Variants in PPFIA3 observed in about 807,000 individuals in gnomAD.
PPFIA3 encodes the protein PPFI scaffold protein A3, also known as liprin-alpha-3.
Under a neutral mutation model 145.8 loss-of-function variants are expected in PPFIA3, and 26 were observed. That is an observed-to-expected ratio of 0.18 (90% confidence interval 0.13 to 0.25). The LOEUF is 0.25. Among genes scored for constraint, PPFIA3 ranks in the 10% least tolerant of loss-of-function variants. The pLI is 1.00. For synonymous variants in PPFIA3, 645 were observed against 661.4 expected (o/e 0.98, Z 0.38); for missense variants, 1,008 against 1,587.8 (o/e 0.63, Z 6.21).
rs1282594499 is a variant in PPFIA3, at chr19:49,141,569, A to T, written c.2462+56A>T. ...GTGTATGTGAATGTGAGAGTGTGTGAGGGTGTGTGTGTGCGTGTATGTGTG... is the reference window on the plus strand; with the variant it reads ...GTGTATGTGAATGTGAGAGTGTGTGTGGGTGTGTGTGTGCGTGTATGTGTG... On this transcript the variant is annotated intron_variant, in intron 19 of 29. Coordinates refer to ENST00000334186, the MANE Select transcript of PPFIA3 (RefSeq NM_003660.4). 5 of 1,423,352 alleles carry T rather than the reference A, an allele frequency of 3.5e-6. No individual in the cohort carries two copies. The African/African-American group carries it at 7.0e-5, about 20-fold the overall frequency. 88.2% of individuals were successfully genotyped at this position (1,423,352 alleles called of 1,614,324 possible).
intron 20 of PPFIA3, among the ~76,000 whole-genome samples, chr19:49,142,488 C>G (rs2122626664): frequency 6.6e-6 from 1 of 152,092 alleles, no homozygotes; most frequent in East Asian, 1.9e-4. Context: ...CTCCCTGTCT[C>G]CGGCTTCCTG....
intron 23 of PPFIA3, chr19:49,146,460 T>C: frequency 1.8e-6 from 1 of 560,966 alleles, no homozygotes; most frequent in East Asian, 3.0e-5. Flanking sequence ...TCTAAGGGGC[T>C]TCAATTCTGT....
chr19:49,148,374 G>A, intron 24 of PPFIA3, 116 bp downstream of exon 24: 1 of 1,168,398 alleles, frequency 8.6e-7, no homozygotes, highest in Non-Finnish European at 1.2e-6. Flanking sequence ...CTTTTAGCCT[G>A]AGTTCTCAGG....
intron 19 of PPFIA3, 100 bp downstream of exon 19, chr19:49,141,613 TGTGAGAGG>T: frequency 3.2e-6 from 3 of 929,936 alleles, no homozygotes; most frequent in African/African-American, 1.7e-5. Flanking sequence ...TGTGTGTGTG[TGTGAGAGG>T]GTGTGTGAGT....
At chr19:49,126,926 A>G (rs549649787) in intron 1 of PPFIA3, among the ~76,000 whole-genome samples, 4 of 152,022 alleles carry the variant, frequency 2.6e-5, no homozygotes, top group Non-Finnish European at 4.4e-5. Context: ...GTTTGCTGCC[A>G]CTGTCTGTTG....
chr19:49,133,036 T>C lies in PPFIA3; in HGVS notation c.915T>C (p.Ile305=). 6.2e-7 allele frequency: 1 copy of C among 1,612,610 alleles called. No homozygotes were observed. Among genetic ancestry groups the C allele is most frequent in the Non-Finnish European group, 8.5e-7 (1 of 1,179,900 alleles). The part of the protein sequence containing the change: ...LAQREDMEER[I]TTLEKRYLSA... ...AGCGGGAAGATATGGAGGAGCGGAT[T>C]ACAACACTGGAGAAGCGCTACCTGA... Residue 305 remains isoleucine, a synonymous_variant, in exon 8 of 30, where the codon ATT becomes ATC. Transcript: ENST00000334186. This position sits in a 1 kb window ranked among gnomAD's most constrained non-coding sequence, Gnocchi z 7.2.
chr19:49,128,769 C>T lies in PPFIA3; in HGVS notation c.343-79C>T. On this transcript the variant is annotated intron_variant, in intron 3 of 29. Transcript: ENST00000334186. This position sits in a 1 kb window ranked among gnomAD's most constrained non-coding sequence, Gnocchi z 4.1. ...CTCCATCTTTTCCTCCATGTGTCCG[C>T]CCTACCTGTCACCCTTTTTCTCACA... is the stretch of plus-strand genomic sequence containing the variant. The T allele has an allele frequency of 7.4e-7, 1 of 1,355,094 alleles. No individual in the cohort carries two copies. Among genetic ancestry groups the T allele is most frequent in the Non-Finnish European group, 1.0e-6 (1 of 994,706 alleles). The allele number at this position is 1,355,094 out of a possible 1,614,324, so 83.9% of individuals were successfully genotyped here. A position where few individuals can be genotyped will look rare whatever the true frequency, so the allele number is the denominator to read the frequency against.
Position 49,133,264 on chromosome 19 carries a change from G to A in PPFIA3, c.1054G>A (p.Glu352Lys). The A allele has an allele frequency of 6.2e-7, 1 of 1,608,834 alleles. No homozygotes were observed. The highest frequency in any genetic ancestry group is 8.5e-7 in the Non-Finnish European group (1 of 1,177,708). The change falls in exon 9 of 30, where the codon GAG becomes AAG. Residue 352 changes from glutamate (E) to lysine (K), a missense_variant. By Grantham distance (56) the Glu-to-Lys change is moderately conservative (BLOSUM62 1). Transcript: ENST00000334186. The surrounding 1 kb of genome is among the most constrained non-coding windows in gnomAD (Gnocchi z 7.2). ...QSEEKSRQLA[E>K]WLDDAKQKLQ... ...TGAAGAGAAGAGCCGTCAGCTGGCC[G>A]AGTGGTTGGACGACGCCAAGCAGAA...
Position 49,142,134 on chromosome 19 carries a change from G to A in PPFIA3, c.2544+19G>A. 2 of 1,557,426 alleles carry A rather than the reference G, an allele frequency of 1.3e-6. No individual in the cohort carries two copies. The highest frequency in any genetic ancestry group is 1.7e-6 in the Non-Finnish European group (2 of 1,149,462). On this transcript the variant is annotated intron_variant, in intron 20 of 29. Transcript: ENST00000334186. ...GCTGGAGGTACTGGGGCCCAGAAAT[G>A]CCCTGACTGTTGGTCCCCAACCCCT...
chr19:49,126,304 A>G (rs1462156111), intron 1 of PPFIA3, among the ~76,000 whole-genome samples: 1 of 150,192 alleles, frequency 6.7e-6, no homozygotes, highest in African/African-American at 2.5e-5. Flanking sequence ...GCTGGAGTTC[A>G]GTGGTGCTAT....
Position 49,128,357 on chromosome 19 carries a change from G to A in PPFIA3, c.241-10G>A. The stretch of plus-strand genomic sequence containing the variant: ...AGCCGAATGTCCAGATCCTGCCAAT[G>A]TCTGGACAGGAGTTTGCAGCTCTGA... On this transcript the variant is annotated splice_polypyrimidine_tract_variant and intron_variant, in intron 2 of 29. Transcript: ENST00000334186. This position sits in a 1 kb window ranked among gnomAD's most constrained non-coding sequence, Gnocchi z 4.1. 6.2e-7 allele frequency: 1 copy of A among 1,612,424 alleles called. No homozygotes were observed. The highest frequency in any genetic ancestry group is 2.2e-5 in the East Asian group (1 of 44,868).
At chr19:49,144,502 C>T (rs1457272458) in intron 21 of PPFIA3, among the ~76,000 whole-genome samples, 1 of 151,842 alleles carries the variant, frequency 6.6e-6, no homozygotes, top group Admixed American at 6.6e-5. Flanking sequence ...TCTCTTGAAC[C>T]CGGGAGTTCG....
chr19:49,142,026 C>T lies in PPFIA3; in HGVS notation c.2463-8C>T, dbSNP rs1015928477. 7 of 1,560,494 alleles carry T rather than the reference C, an allele frequency of 4.5e-6. No homozygotes were observed. The highest frequency in any genetic ancestry group is 5.2e-6 in the Non-Finnish European group (6 of 1,151,680). ...ACAGCTTCTATCCTGGCCCCTTCAC[C>T]CTTACAGGCATGAACTCCTGGAGGA... On this transcript the variant is annotated splice_polypyrimidine_tract_variant and splice_region_variant and intron_variant, in intron 19 of 29. Transcript: ENST00000334186.
At chr19:49,135,011 A>T in intron 13 of PPFIA3, 96 bp downstream of exon 13, 1 of 1,032,762 alleles carries the variant, frequency 9.7e-7, no homozygotes, top group Non-Finnish European at 1.4e-6. Context: ...TCCTCCTGAG[A>T]CTTCTGACCC....
At chr19:49,141,695 G>A (rs999943516) in intron 19 of PPFIA3, among the ~76,000 whole-genome samples, 182 bp downstream of exon 19, 6 of 151,894 alleles carry the variant, frequency 4.0e-5, no homozygotes, top group African/African-American at 9.7e-5. Flanking sequence ...GGAGGTGTCC[G>A]TGATCCTGAA....
At chr19:49,126,409 C>T (rs1296583178) in intron 1 of PPFIA3, among the ~76,000 whole-genome samples, 2 of 151,934 alleles carry the variant, frequency 1.3e-5, no homozygotes, top group African/African-American at 4.8e-5. Context: ...CCACCATGCC[C>T]GGCTAATTTT....
In PPFIA3 at chr19:49,130,727, C is replaced by G. The variant is rs2041059252; in HGVS notation, c.879+128C>G. 5.1e-6 allele frequency: 4 copies of G among 784,020 alleles called. No individual in the cohort carries two copies. The highest frequency in any genetic ancestry group is 2.7e-5 in the East Asian group (1 of 37,044). 48.6% of individuals were successfully genotyped at this position (784,020 alleles called of 1,614,324 possible). A position where few individuals can be genotyped will look rare whatever the true frequency, so the allele number is the denominator to read the frequency against. On this transcript the variant is annotated intron_variant, in intron 7 of 29. Coordinates refer to ENST00000334186, the MANE Select transcript of PPFIA3 (RefSeq NM_003660.4). This position sits in a 1 kb window ranked among gnomAD's most constrained non-coding sequence, Gnocchi z 4.5. Reference sequence around the variant, plus strand: ...GGCTGGGTGACTCCTCTTTGAGATTCAGTTTTCCCACCTGTGAAAGGAAAT... The same window carrying G: ...GGCTGGGTGACTCCTCTTTGAGATTGAGTTTTCCCACCTGTGAAAGGAAAT...
rs112645498 is a variant in PPFIA3, at chr19:49,120,152, G to A, written c.-16+430G>A. Among the ~76,000 whole-genome samples the A allele has an allele frequency of 6.6e-6, 1 of 152,112 alleles. No homozygotes were observed. Among genetic ancestry groups the A allele is most frequent in the South Asian group, 2.1e-4 (1 of 4,828 alleles). ...CAGCCGGCTGCGTCCCACGGTCCAG[G>A]CAGGCTCGGCGGCCGCCCTGGACAC... On this transcript the variant is annotated intron_variant, in intron 1 of 29. Coordinates refer to ENST00000334186, the MANE Select transcript of PPFIA3 (RefSeq NM_003660.4). The surrounding 1 kb of genome is among the most constrained non-coding windows in gnomAD (Gnocchi z 4.6).
chr19:49,147,743 ATAATGTAT>A (rs2041297911), intron 23 of PPFIA3, among the ~76,000 whole-genome samples: 1 of 83,590 alleles, frequency 1.2e-5, no homozygotes, highest in African/African-American at 7.8e-5. Context: ...AAAAATAAAT[ATAATGTAT>A]ATTTCGAATC....
Sources: allele counts gnomAD v4.1 joint callset (sites outside exome capture counted in the v4.1 genomes callset), GRCh38; gene constraint gnomAD v4.1.1; non-coding constraint Gnocchi (gnomAD v3.1); transcripts MANE v1.5; gene names NCBI Gene and HGNC (gene_info 2026-07-23, HGNC 2026-07-21).